SLC24A4: variants seen among roughly 807,000 people sequenced by gnomAD.
The protein encoded by SLC24A4 is sodium/potassium/calcium exchanger 4.
Under a neutral mutation model 79.0 loss-of-function variants are expected in SLC24A4, and 53 were observed. The ratio of observed to expected loss-of-function variants is 0.67; its 90% CI spans 0.54 to 0.84. SLC24A4 has a LOEUF of 0.84. SLC24A4 is among the 40% of genes least tolerant of loss of function. The pLI is 0.00. For missense variants in SLC24A4, 731 were observed against 822.0 expected (o/e 0.89, Z 1.35); for synonymous variants, 323 against 323.8 (o/e 1.00, Z 0.03).
At chr14:92,409,121 A>C (rs1268279415) in intron 2 of SLC24A4, among the ~76,000 whole-genome samples, 15 of 152,226 alleles carry the variant, frequency 9.9e-5, no homozygotes, top group Admixed American at 9.2e-4. Context: ...TCCTCAGCCA[A>C]CATGGAGTCA....
chr14:92,438,319 C>A (rs367669778), intron 3 of SLC24A4, among the ~76,000 whole-genome samples: 1 of 152,154 alleles, frequency 6.6e-6, no homozygotes, highest in African/African-American at 2.4e-5. Context: ...ACCAAGGATA[C>A]AGGGCCAGGT....
chr14:92,457,295 ATT>A (rs1893534239), intron 12 of SLC24A4: 1 of 9,262 alleles, frequency 1.1e-4, no homozygotes. Flanking sequence ...ACACACTGTC[ATT>A]CCTAGAACTG....
intron 2 of SLC24A4, among the ~76,000 whole-genome samples, chr14:92,425,051 G>T (rs925904696): frequency 6.6e-6 from 1 of 152,156 alleles, no homozygotes. Context: ...CATGAGATCC[G>T]GAGGGAACAA....
intron 2 of SLC24A4, among the ~76,000 whole-genome samples, chr14:92,430,037 G>A (rs896830868): frequency 6.6e-6 from 1 of 152,226 alleles, no homozygotes; most frequent in African/African-American, 2.4e-5. Flanking sequence ...CGTCCGTGAC[G>A]CTCTGTGCCT....
intron 2 of SLC24A4, among the ~76,000 whole-genome samples, chr14:92,341,893 A>G (rs1049177569): frequency 2.0e-5 from 3 of 152,196 alleles, no homozygotes; most frequent in Admixed American, 2.0e-4. Context: ...CCTTGAAAGA[A>G]TTGCTTTGAA....
In SLC24A4 at chr14:92,423,695, C is replaced by T. The variant is rs931394800; in HGVS notation, c.242-10217C>T. Among the ~76,000 whole-genome samples the T allele has an allele frequency of 5.9e-5, 9 of 152,146 alleles. No individual in the cohort carries two copies. The East Asian group carries it at 7.7e-4, about 13-fold the overall frequency. On this transcript the variant is annotated intron_variant, in intron 2 of 16. Transcript: ENST00000532405. ...CAAGGGAGTCAGCTGTCATCACTTG[C>T]GTTTGGTAAAGACTCAAAGTCAGGC...
intron 2 of SLC24A4, among the ~76,000 whole-genome samples, chr14:92,432,537 G>A (rs1891932287): frequency 6.6e-6 from 1 of 152,128 alleles, no homozygotes; most frequent in Non-Finnish European, 1.5e-5. Context: ...CCTCAACAAT[G>A]CCGAGTCTCT....
intron 2 of SLC24A4, among the ~76,000 whole-genome samples, chr14:92,408,166 A>AGAGTGTGTGTGTGTGT (rs1555366529): frequency 2.2e-4 from 30 of 136,914 alleles, no homozygotes; most frequent in Admixed American, 1.6e-3. Flanking sequence ...TTGCTACAGC[A>AGAGTGTGTGTGTGTGT]GTGTGTGTGT....
chr14:92,446,561 G>T lies in SLC24A4; in HGVS notation c.684-810G>T, dbSNP rs142562846. ...GTCCTCTCCTGGCCCCCAATCTGCTGTGTGGCCCCAGGAAAGCCTCTGAAC... is the reference window on the plus strand; with the variant it reads ...GTCCTCTCCTGGCCCCCAATCTGCTTTGTGGCCCCAGGAAAGCCTCTGAAC... On this transcript the variant is annotated intron_variant, in intron 8 of 16. Transcript: ENST00000532405. Among the ~76,000 whole-genome samples, 443 of 152,320 alleles carry T rather than the reference G, an allele frequency of 2.9e-3. 3 individuals are homozygous for T. Among genetic ancestry groups the T allele is most frequent in the African/African-American group, 9.7e-3 (402 of 41,582 alleles).
intron 2 of SLC24A4, among the ~76,000 whole-genome samples, chr14:92,407,058 A>G (rs1033502988): frequency 6.6e-6 from 1 of 152,234 alleles, no homozygotes; most frequent in African/African-American, 2.4e-5. Context: ...GCCAGGCCAC[A>G]TCTTGAACAC....
At chr14:92,385,157 A>C (rs1293442117) in intron 2 of SLC24A4, among the ~76,000 whole-genome samples, 1 of 152,222 alleles carries the variant, frequency 6.6e-6, no homozygotes, top group Non-Finnish European at 1.5e-5. Flanking sequence ...CTTAACTCTT[A>C]GCACCTCTGC....
rs192831167 is a variant in SLC24A4 at position 92,339,149 on chromosome 14, G to A, written c.241+13171G>A. On this transcript the variant is annotated intron_variant, in intron 2 of 16. Transcript: ENST00000532405. ...TGGAGCAACCCTATCTGGTGGTCCCGTCCTAGATGCGGACCCGGCCTCCGG... is the reference window on the plus strand; with the variant it reads ...TGGAGCAACCCTATCTGGTGGTCCCATCCTAGATGCGGACCCGGCCTCCGG... Among the ~76,000 whole-genome samples, 20 of 152,300 alleles carry A rather than the reference G, an allele frequency of 1.3e-4. No individual in the cohort carries two copies. In the East Asian group the frequency reaches 3.5e-3, roughly 26 times the overall value.
intron 13 of SLC24A4, chr14:92,484,709 C>G: frequency 1.0e-6 from 1 of 985,368 alleles, no homozygotes. Flanking sequence ...ATTCAAGTCC[C>G]CCAGAACCTC....
rs60360408 is a variant in SLC24A4 at position 92,395,432 on chromosome 14, AACACACACACACACAC to A, written c.242-38461_242-38446del. Among the ~76,000 whole-genome samples the A allele has an allele frequency of 2.8e-4, 41 of 144,916 alleles. No homozygotes were observed. In the East Asian group the frequency reaches 3.3e-3, roughly 12 times the overall value. ...GATGATTCAAAACAAAACAAAACAAAACACACACACACACACACACACACACACACACACGAAACTA... is the reference window on the plus strand; with the variant it reads ...GATGATTCAAAACAAAACAAAACAAAACACACACACACACACACGAAACTA... On this transcript the variant is annotated intron_variant, in intron 2 of 16. Coordinates refer to ENST00000532405, the MANE Select transcript of SLC24A4 (RefSeq NM_153646.4).
intron 11 of SLC24A4, 90 bp downstream of exon 11, chr14:92,454,159 T>G (rs1893322326): frequency 2.2e-6 from 3 of 1,375,266 alleles, no homozygotes; most frequent in Non-Finnish European, 3.0e-6. Context: ...CATTGATCAC[T>G]GCACCTGTTT....
chr14:92,385,984 C>T (rs962300267), intron 2 of SLC24A4, among the ~76,000 whole-genome samples: 2 of 152,028 alleles, frequency 1.3e-5, no homozygotes, highest in African/African-American at 4.8e-5. Context: ...ATGGATGGCT[C>T]GATCGCAGGT....
chr14:92,343,580 TTTTCTTTCTTTCTTTCTTTC>T (rs376436087), intron 2 of SLC24A4, among the ~76,000 whole-genome samples: 16 of 85,166 alleles, frequency 1.9e-4, no homozygotes, highest in South Asian at 4.6e-4. Context: ...TTAATTACTG[TTTTCTTTCTTTCTTTCTTTC>T]TTTCTTTCTT....
chr14:92,454,547 T>A (rs1893345861), intron 11 of SLC24A4, among the ~76,000 whole-genome samples: 1 of 152,226 alleles, frequency 6.6e-6, no homozygotes, highest in Non-Finnish European at 1.5e-5. Flanking sequence ...TAATATTATT[T>A]AATGTATAAA....
At chr14:92,340,063 G>A (rs1886038706) in intron 2 of SLC24A4, among the ~76,000 whole-genome samples, 1 of 152,208 alleles carries the variant, frequency 6.6e-6, no homozygotes, top group South Asian at 2.1e-4. Flanking sequence ...CATTTTCCAA[G>A]ATGGGAGCAT....
Sources: gnomAD v4.1 joint callset for allele counts (sites outside exome capture counted in the v4.1 genomes callset) on GRCh38, gnomAD v4.1.1 for gene constraint, MANE v1.5 for transcripts, NCBI Gene and HGNC (gene_info 2026-07-23, HGNC 2026-07-21) for gene names.